Variants in CYFIP2 observed in about 807,000 individuals in gnomAD.
The protein encoded by CYFIP2 is cytoplasmic FMR1-interacting protein 2.
CYFIP2 carries 29 observed loss-of-function variants against 158.7 expected under a neutral mutation model. That is an observed-to-expected ratio of 0.18 (90% CI 0.14 to 0.25). The LOEUF is 0.25. Among genes scored for constraint, CYFIP2 ranks in the 10% least tolerant of loss-of-function variants. CYFIP2 has a pLI of 1.00. For missense variants in CYFIP2, 852 were observed against 1,639.5 expected (o/e 0.52, Z 8.29); for synonymous variants, 585 against 617.6 (o/e 0.95, Z 0.78).
At chr5:157,374,985 G>A (rs191924232) in intron 26 of CYFIP2, among the ~76,000 whole-genome samples, 6 of 152,302 alleles carry the variant, frequency 3.9e-5, no homozygotes, top group Admixed American at 3.3e-4. Context: ...GCCTAATGAC[G>A]AGTAAGGGAA....
chr5:157,364,897 C>T (rs1007914572), intron 26 of CYFIP2: 4 of 151,942 alleles, frequency 2.6e-5, no homozygotes, highest in African/African-American at 4.8e-5. Flanking sequence ...GTGGAATGTC[C>T]ATTCTCATGG....
intron 21 of CYFIP2, among the ~76,000 whole-genome samples, chr5:157,336,955 C>T (rs1416673709): frequency 6.6e-6 from 1 of 152,212 alleles, no homozygotes; most frequent in Non-Finnish European, 1.5e-5. Flanking sequence ...CAGCCTCTGC[C>T]TCTCCTTCAG....
At position 157,334,701 on chromosome 5, in the gene CYFIP2, GAAT is replaced by G. The variant is rs1761726226; in HGVS notation, c.2385+1256_2385+1258del. On this transcript the variant is annotated intron_variant, in intron 21 of 30. Transcript: ENST00000620254. ...GAGTTCCATTTAAAAAAAAAAAAGT[GAAT>G]GATACTTTTCAAAAGTGCGCAGGTC... Among the ~76,000 whole-genome samples the G allele has an allele frequency of 2.0e-5, 3 of 151,854 alleles. No homozygotes were observed. The South Asian group carries it at 6.2e-4, about 32-fold the overall frequency.
rs189060554 is a variant in CYFIP2 at position 157,287,167 on chromosome 5, G to A, written c.207+59G>A. The A allele has an allele frequency of 2.5e-5, 36 of 1,426,964 alleles. No individual in the cohort carries two copies. In the East Asian group the frequency reaches 6.2e-4, roughly 25 times the overall value. The allele number at this position is 1,426,964 out of a possible 1,614,324, so 88.4% of individuals were successfully genotyped here. A position where few individuals can be genotyped will look rare whatever the true frequency, so the allele number is the denominator to read the frequency against. On this transcript the variant is annotated intron_variant, in intron 3 of 30. Transcript: ENST00000620254. Reference sequence around the variant, plus strand: ...TCCCTGCTGGGCTGGCAGGGGCCGCGGGCAGCTTCTCACACCAGAGGCATG... The same window carrying A: ...TCCCTGCTGGGCTGGCAGGGGCCGCAGGCAGCTTCTCACACCAGAGGCATG...
intron 21 of CYFIP2, among the ~76,000 whole-genome samples, chr5:157,337,116 G>A (rs1008265505): frequency 1.3e-5 from 2 of 152,098 alleles, no homozygotes; most frequent in Non-Finnish European, 1.5e-5. Context: ...TAAACTCAGC[G>A]CCACTTACTC....
intron 23 of CYFIP2, among the ~76,000 whole-genome samples, chr5:157,349,439 A>G (rs1762924171): frequency 6.6e-6 from 1 of 152,180 alleles, no homozygotes; most frequent in Non-Finnish European, 1.5e-5. Context: ...GTTGCTGCAA[A>G]TGCCGTTATT....
chr5:157,392,287 A>G (rs1767380346), intron 30 of CYFIP2, among the ~76,000 whole-genome samples: 1 of 152,182 alleles, frequency 6.6e-6, no homozygotes, highest in Non-Finnish European at 1.5e-5. Flanking sequence ...GTCATACCCC[A>G]AGATATTATT....
At chr5:157,342,858 A>G in intron 23 of CYFIP2, 1 of 1,606,286 alleles carries the variant, frequency 6.2e-7, no homozygotes, top group Non-Finnish European at 8.5e-7. Context: ...TCTCCTCCCC[A>G]CTCTCATTCC....
rs139080735 is a variant in CYFIP2, at chr5:157,391,490, CTA to C, written c.3594+824_3594+825del. 3.2e-3 allele frequency among the ~76,000 whole-genome samples: 486 copies of C among 152,272 alleles called. 4 individuals are homozygous for C. Among genetic ancestry groups the C allele is most frequent in the African/African-American group, 0.01 (429 of 41,546 alleles). ...CCTGGTAACCATCATTCTACTTTCT[CTA>C]TGCATTTGACTACTCTAGGTACCTC... On this transcript the variant is annotated intron_variant, in intron 30 of 30. Transcript: ENST00000620254.
chr5:157,350,950 A>G (rs1763027742), intron 23 of CYFIP2, among the ~76,000 whole-genome samples: 1 of 152,190 alleles, frequency 6.6e-6, no homozygotes, highest in South Asian at 2.1e-4. Context: ...GGTGTATAGC[A>G]TGAGCCTTTA....
At chr5:157,340,987 A>G in intron 22 of CYFIP2, 83 bp from the exon 23 acceptor site, 2 of 1,329,750 alleles carry the variant, frequency 1.5e-6, no homozygotes, top group Non-Finnish European at 2.2e-6. Context: ...TCACCTGGCC[A>G]GGAAGCACTC....
chr5:157,386,169 T>G (rs557496814), intron 28 of CYFIP2, among the ~76,000 whole-genome samples: 2 of 152,192 alleles, frequency 1.3e-5, no homozygotes, highest in East Asian at 3.9e-4. Flanking sequence ...GAGGTAAAAT[T>G]TTTAAAATTT....
At chr5:157,360,450 T>G in intron 25 of CYFIP2, 78 bp downstream of exon 25, 1 of 1,228,930 alleles carries the variant, frequency 8.1e-7, no homozygotes, top group Non-Finnish European at 1.2e-6. Context: ...GAGCGTTTGC[T>G]TCTCTAACAT....
At chr5:157,284,805 G>A (rs1757247788) in intron 1 of CYFIP2, among the ~76,000 whole-genome samples, 1 of 152,160 alleles carries the variant, frequency 6.6e-6, no homozygotes, top group Non-Finnish European at 1.5e-5. Flanking sequence ...TGATTTGCAG[G>A]AATTGAGTTA....
rs1767650287 is a variant in CYFIP2 at position 157,395,275 on chromosome 5, CTTT to C, written c.*2278_*2280del. Reference sequence around the variant, plus strand: ...CTCCTTGGCATTACTGCCCCAGCCTCTTTTTATTTTTTTTGTGTGTGTCTAATA... The same window carrying C: ...CTCCTTGGCATTACTGCCCCAGCCTCTTATTTTTTTTGTGTGTGTCTAATA... On this transcript the variant is annotated 3_prime_UTR_variant, in exon 31 of 31. Transcript: ENST00000620254. The C allele has an allele frequency of 7.1e-6, 2 of 279,738 alleles. No homozygotes were observed. Among genetic ancestry groups the C allele is most frequent in the Non-Finnish European group, 1.4e-5 (2 of 146,698 alleles). 17.3% of individuals were successfully genotyped at this position (279,738 alleles called of 1,614,324 possible).
intron 26 of CYFIP2, among the ~76,000 whole-genome samples, chr5:157,371,982 A>G (rs895171421): frequency 6.6e-6 from 1 of 152,216 alleles, no homozygotes; most frequent in African/African-American, 2.4e-5. Context: ...CTACTGAATC[A>G]TAACTTTTAC....
At chr5:157,323,744 G>A (rs1387799933) in intron 15 of CYFIP2, among the ~76,000 whole-genome samples, 177 bp from the exon 16 acceptor site, 2 of 152,046 alleles carry the variant, frequency 1.3e-5, no homozygotes, top group Admixed American at 6.5e-5. Flanking sequence ...GGCCATGAAG[G>A]TTTTCACAGT....
In CYFIP2 at chr5:157,320,742, C is replaced by T. The variant is rs776519767; in HGVS notation, c.1611C>T (p.Asp537=). ...PNDPCLRGEK[D]PKGGFDIKVP... The stretch of plus-strand genomic sequence containing the variant: ...ACCCATGCTTGAGAGGGGAGAAGGA[C>T]CCCAAAGGTGGATTTGATATCAAGG... The change falls in exon 15 of 31, where the codon GAC becomes GAT. Residue 537 remains aspartate (D), a synonymous_variant. Transcript: ENST00000620254. The T allele has an allele frequency of 6.2e-7, 1 of 1,612,710 alleles. No individual in the cohort carries two copies.
intron 23 of CYFIP2, among the ~76,000 whole-genome samples, chr5:157,349,963 G>T (rs533805506): frequency 1.3e-5 from 2 of 152,104 alleles, no homozygotes; most frequent in South Asian, 2.1e-4. Context: ...TGATGGGATT[G>T]TTTGTTTGTT....
Sources: allele counts gnomAD v4.1 joint callset (sites outside exome capture counted in the v4.1 genomes callset), GRCh38; gene constraint gnomAD v4.1.1; transcripts MANE v1.5; gene names NCBI Gene and HGNC (gene_info 2026-07-23, HGNC 2026-07-21).